CSMD3: variants seen among roughly 807,000 people sequenced by gnomAD.
The protein encoded by CSMD3 is CUB and Sushi multiple domains 3.
A neutral mutation model predicts 435.2 loss-of-function variants in CSMD3; 177 were observed. That is an observed-to-expected ratio of 0.41 (90% confidence interval 0.36 to 0.46). The LOEUF is 0.46. CSMD3 is among the 20% of genes least tolerant of loss of function. The pLI is 0.34. For synonymous variants in CSMD3, 1,656 were observed against 1,520.5 expected (o/e 1.09, Z -2.07); for missense variants, 4,265 against 4,504.6 (o/e 0.95, Z 1.52).
intron 1 of CSMD3, among the ~76,000 whole-genome samples, chr8:113,432,571 C>A (rs867529502): frequency 2.0e-5 from 3 of 152,202 alleles, no homozygotes; most frequent in Non-Finnish European, 4.4e-5. Context: ...GCACTTGAGC[C>A]GGGGGCTGCC....
rs141889702 is a variant in CSMD3 at position 112,657,341 on chromosome 8, G to C, written c.2817-1000C>G. ...GCCTCCCAAAGTACTGGGATTACAG[G>C]CGTGAGCCACTGCACCCAGCCACCT... On this transcript the variant is annotated intron_variant, in intron 17 of 70. Coordinates refer to ENST00000297405, the MANE Select transcript of CSMD3 (RefSeq NM_198123.2). Among the ~76,000 whole-genome samples, 313 of 152,156 alleles carry C rather than the reference G, an allele frequency of 2.1e-3. 1 individual carries two copies. The highest frequency in any genetic ancestry group is 7.2e-3 in the African/African-American group (300 of 41,532).
At chr8:112,324,028 C>A (rs1006242464) in intron 45 of CSMD3, among the ~76,000 whole-genome samples, 11 of 151,904 alleles carry the variant, frequency 7.2e-5, no homozygotes, top group African/African-American at 1.5e-4. Flanking sequence ...ATAAATAAAC[C>A]TCATTTTGAA....
intron 31 of CSMD3, among the ~76,000 whole-genome samples, chr8:112,482,032 G>T (rs1228670652): frequency 2.0e-5 from 3 of 151,854 alleles, no homozygotes; most frequent in Non-Finnish European, 4.4e-5. Flanking sequence ...CCATATCAGT[G>T]TGGTAATCAG....
intron 11 of CSMD3, among the ~76,000 whole-genome samples, chr8:112,841,418 C>A (rs1377410325): frequency 1.3e-5 from 2 of 151,822 alleles, no homozygotes; most frequent in Non-Finnish European, 2.9e-5. Context: ...GCTGAAAAAT[C>A]ATCTGCTCAG....
chr8:112,485,173 A>T (rs962804885), intron 31 of CSMD3, among the ~76,000 whole-genome samples: 2 of 152,224 alleles, frequency 1.3e-5, no homozygotes, highest in East Asian at 1.9e-4. Flanking sequence ...TTAAATAATA[A>T]TTTTCCCCTA....
intron 9 of CSMD3, among the ~76,000 whole-genome samples, chr8:112,937,355 T>G (rs2083312965): frequency 6.7e-6 from 1 of 150,100 alleles, no homozygotes; most frequent in African/African-American, 2.4e-5. Flanking sequence ...TAATAATGTT[T>G]TTTTTTTTTT....
rs201088357 is a variant in CSMD3 at position 112,230,819 on chromosome 8, GA to G, written c.10828+725del. On this transcript the variant is annotated intron_variant, in intron 69 of 70. Transcript: ENST00000297405. The stretch of plus-strand genomic sequence containing the variant: ...AAGAGCATGACTCTGTCTCAAAAAA[GA>G]AAAAAAAAAAGTTCATTTCTTAAAA... 4.1e-3 allele frequency among the ~76,000 whole-genome samples: 580 copies of G among 139,776 alleles called. 5 individuals are homozygous for G. The highest frequency in any genetic ancestry group is 0.028 in the East Asian group (133 of 4,832). 91.7% of individuals were successfully genotyped at this position (139,776 alleles called of 152,430 possible).
In CSMD3 at chr8:112,409,036, A is replaced by T. The variant is rs2130079679; in HGVS notation, c.5396-4T>A. ...AATACAAACTGGCCAAACACCACTG[A>T]TCAACAGGAACCCGGAGAAGCAAAC... On this transcript the variant is annotated splice_polypyrimidine_tract_variant and splice_region_variant and intron_variant, in intron 32 of 70. Coordinates refer to ENST00000297405, the MANE Select transcript of CSMD3 (RefSeq NM_198123.2). 15 of 1,613,420 alleles carry T rather than the reference A, an allele frequency of 9.3e-6. No homozygotes were observed. The highest frequency in any genetic ancestry group is 1.2e-5 in the Non-Finnish European group (14 of 1,179,590).
chr8:113,085,423 T>C (rs72683898), intron 5 of CSMD3, among the ~76,000 whole-genome samples: 10,163 of 152,184 alleles, frequency 0.067, 456 homozygotes, highest in Non-Finnish European at 0.095. Flanking sequence ...AATCCCACTA[T>C]TGAATAGTTA....
rs199952135 is a variant in CSMD3 at position 113,379,177 on chromosome 8, A to G, written c.178+57500T>C. On this transcript the variant is annotated intron_variant, in intron 1 of 70. Coordinates refer to ENST00000297405, the MANE Select transcript of CSMD3 (RefSeq NM_198123.2). Reference sequence around the variant, plus strand: ...GTGTAGTCAAAAGGAGAAGTAAATTATAATGAACATGAACCCATTTGGGTA... The same window carrying G: ...GTGTAGTCAAAAGGAGAAGTAAATTGTAATGAACATGAACCCATTTGGGTA... Among the ~76,000 whole-genome samples, 11 of 152,276 alleles carry G rather than the reference A, an allele frequency of 7.2e-5. No homozygotes were observed. The East Asian group carries it at 1.7e-3, about 24-fold the overall frequency.
chr8:113,106,397 C>T (rs746535917), intron 4 of CSMD3, among the ~76,000 whole-genome samples: 10 of 152,172 alleles, frequency 6.6e-5, no homozygotes, highest in Middle Eastern at 3.4e-3. Flanking sequence ...GACTTAAACA[C>T]ATGGCAATAG....
Position 112,501,708 on chromosome 8 carries a change from C to G in CSMD3, c.5083+2082G>C, listed in dbSNP as rs576348891. On this transcript the variant is annotated intron_variant, in intron 30 of 70. Coordinates refer to ENST00000297405, the MANE Select transcript of CSMD3 (RefSeq NM_198123.2). ...GGTATACAGATGTCCTAAAAAGAAT[C>G]TCACAGATATGTTCATGAGGACATG... 2.0e-5 allele frequency among the ~76,000 whole-genome samples: 3 copies of G among 152,310 alleles called. No individual in the cohort carries two copies. The South Asian group carries it at 6.2e-4, about 32-fold the overall frequency.
intron 1 of CSMD3, among the ~76,000 whole-genome samples, chr8:113,417,243 A>G (rs1337483434): frequency 6.6e-6 from 1 of 151,998 alleles, no homozygotes; most frequent in Non-Finnish European, 1.5e-5. Context: ...AAAGTTGAAG[A>G]GAACAATTCA....
chr8:112,357,939 C>T (rs1201040410), intron 38 of CSMD3, among the ~76,000 whole-genome samples: 3 of 152,168 alleles, frequency 2.0e-5, no homozygotes, highest in East Asian at 1.9e-4. Context: ...CCACCATCCT[C>T]CAGACCCCAG....
intron 10 of CSMD3, among the ~76,000 whole-genome samples, chr8:112,883,529 C>A (rs143058820): frequency 1.1e-4 from 16 of 151,992 alleles, no homozygotes; most frequent in Non-Finnish European, 2.2e-4. Flanking sequence ...TAATTTTATT[C>A]TCTTCCTCAA....
Position 112,254,246 on chromosome 8 carries a change from T to C in CSMD3, c.10110+7A>G. On this transcript the variant is annotated splice_region_variant and intron_variant, in intron 63 of 70. Transcript: ENST00000297405. ...TGATGCTAAATGGACATAGCTAAAG[T>C]ACCCACTTGAAATCCGAATGTATTG... 2.5e-6 allele frequency: 4 copies of C among 1,605,776 alleles called. No individual in the cohort carries two copies. Among genetic ancestry groups the C allele is most frequent in the Non-Finnish European group, 1.7e-6 (2 of 1,172,712 alleles).
chr8:113,061,724 A>C (rs1358528029), intron 5 of CSMD3, among the ~76,000 whole-genome samples: 1 of 152,000 alleles, frequency 6.6e-6, no homozygotes, highest in East Asian at 1.9e-4. Context: ...TTTTTATTTA[A>C]TGTTGTTGGG....
intron 14 of CSMD3, among the ~76,000 whole-genome samples, chr8:112,688,019 G>A (rs1326101700): frequency 6.6e-6 from 1 of 152,098 alleles, no homozygotes; most frequent in Non-Finnish European, 1.5e-5. Context: ...GGTAATAAAT[G>A]CTTTGGCTTT....
intron 20 of CSMD3, among the ~76,000 whole-genome samples, chr8:112,644,790 T>C (rs923664192): frequency 1.1e-4 from 16 of 152,144 alleles, no homozygotes; most frequent in African/African-American, 2.9e-4. Context: ...AATCCATTTC[T>C]TAACACTATG....
Sources: allele counts gnomAD v4.1 joint callset (sites outside exome capture counted in the v4.1 genomes callset), GRCh38; gene constraint gnomAD v4.1.1; transcripts MANE v1.5; gene names NCBI Gene and HGNC (gene_info 2026-07-23, HGNC 2026-07-21).